Variants in VCL observed in about 807,000 individuals in gnomAD.
VCL encodes the protein epididymis luminal protein 114.
Under a neutral mutation model 125.7 loss-of-function variants are expected in VCL, and 47 were observed. The ratio of observed to expected loss-of-function variants is 0.37; its 90% CI spans 0.30 to 0.48. The LOEUF (loss-of-function observed/expected upper bound fraction) is 0.48, where lower values mean the gene tolerates loss of function less well. VCL is among the 20% of genes least tolerant of loss of function. The pLI is 0.99. For missense variants in VCL, 1,069 were observed against 1,455.5 expected, an observed-to-expected ratio of 0.73 and a Z score of 4.32; for synonymous variants, 458 against 514.6, an observed-to-expected ratio of 0.89 and a Z score of 1.49.
intron 17 of VCL, among the ~76,000 whole-genome samples, chr10:74,108,178 T>C (rs967517937): frequency 4.6e-5 from 7 of 152,212 alleles, no homozygotes; most frequent in Non-Finnish European, 1.0e-4. Context: ...AGCTGGGTGC[T>C]TGGTGGGTGT....
At position 74,109,033 on chromosome 10, in the gene VCL, G is replaced by A; in HGVS notation, c.2622G>A (p.Arg874=). ...PLPEGEVPPP[R]PPPPEEKDEE... ...CTGAAGGTGAGGTCCCTCCACCTAG[G>A]CCTCCACCACCAGAGGAAAAGGATG... The change falls in exon 18 of 22, where the codon AGG becomes AGA. Residue 874 remains arginine (R), a synonymous_variant. Coordinates refer to ENST00000211998, the MANE Select transcript of VCL (RefSeq NM_014000.3). 1 of 1,614,158 alleles carries A rather than the reference G, an allele frequency of 6.2e-7. No individual in the cohort carries two copies.
chr10:74,075,164 G>T, intron 6 of VCL: 1 of 467,344 alleles, frequency 2.1e-6, no homozygotes, highest in Non-Finnish European at 3.9e-6. Context: ...TTTTCCATCA[G>T]GCTGGAGTCT....
rs774358336 is a variant in VCL at position 74,056,172 on chromosome 10, T to TTG, written c.239+13032_239+13033dup. Among the ~76,000 whole-genome samples the TTG allele has an allele frequency of 2.3e-4, 34 of 150,730 alleles. 1 individual carries two copies. The East Asian group carries it at 3.1e-3, about 14-fold the overall frequency. On this transcript the variant is annotated intron_variant, in intron 2 of 21. Transcript: ENST00000211998. ...AGAGAATTTAGTGAGCCTGTGGGTT[T>TTG]TGTGTGTGTGTGTGCTCATGATGGG...
At chr10:74,115,636 G>A (rs1192387172) in intron 21 of VCL, among the ~76,000 whole-genome samples, 1 of 152,120 alleles carries the variant, frequency 6.6e-6, no homozygotes, top group East Asian at 1.9e-4. Flanking sequence ...TGGAGAGAAG[G>A]TCCGCTTTCC....
At chr10:74,104,440 C>T (rs749994051) in intron 15 of VCL, among the ~76,000 whole-genome samples, 5 of 152,076 alleles carry the variant, frequency 3.3e-5, no homozygotes, top group Non-Finnish European at 7.4e-5. Context: ...AGTGGCACCT[C>T]TGAATCGTCT....
chr10:74,091,527 C>T (rs555567000), intron 10 of VCL, among the ~76,000 whole-genome samples: 4 of 152,094 alleles, frequency 2.6e-5, no homozygotes, highest in African/African-American at 9.6e-5. Context: ...GGCCTGTAAT[C>T]CCAACACTTG....
At chr10:74,072,952 T>C (rs1839511937) in intron 5 of VCL, 100 bp downstream of exon 5, 1 of 1,558,594 alleles carries the variant, frequency 6.4e-7, no homozygotes, top group Non-Finnish European at 8.7e-7. Context: ...TTTCTTTTTT[T>C]TTTTTTTGAG....
chr10:74,093,282 G>GAA (rs1839917691), intron 10 of VCL, among the ~76,000 whole-genome samples: 1 of 152,158 alleles, frequency 6.6e-6, no homozygotes, highest in African/African-American at 2.4e-5. Flanking sequence ...GGGCAACACA[G>GAA]CGAGACTCCA....
chr10:74,112,730 G>A (rs1444881178), intron 19 of VCL, among the ~76,000 whole-genome samples: 1 of 152,154 alleles, frequency 6.6e-6, no homozygotes, highest in South Asian at 2.1e-4. Flanking sequence ...AAGACAGGCC[G>A]CCATAGAACT....
chr10:74,036,228 G>GT (rs1375232179), intron 1 of VCL, among the ~76,000 whole-genome samples: 1 of 152,052 alleles, frequency 6.6e-6, no homozygotes, highest in Non-Finnish European at 1.5e-5. Context: ...TTTAGACGGA[G>GT]TTTTGCTTTT....
chr10:74,060,622 CTCCAGCCTGGGCAA>C (rs1358552884), intron 2 of VCL, among the ~76,000 whole-genome samples: 1 of 141,880 alleles, frequency 7.0e-6, no homozygotes, highest in African/African-American at 2.7e-5. Context: ...CGCCACTGCA[CTCCAGCCTGGGCAA>C]CAGAATGAGA....
In VCL at chr10:73,998,325, C is replaced by G. The variant is rs1840154450; in HGVS notation, c.118C>G (p.Leu40Val). 6.4e-7 allele frequency: 1 copy of G among 1,570,380 alleles called. No individual in the cohort carries two copies. The highest frequency in any genetic ancestry group is 8.6e-7 in the Non-Finnish European group (1 of 1,157,500). Residue 40 changes from leucine (L) to valine (V), a missense_variant, in exon 1 of 22, where the codon CTC (leucine) becomes GTC (valine). Transcript: ENST00000211998. ...GGTGGACGGCAAAGCCATTCCTGACCTCACCGCGCCCGTGGCCGCCGTGCA... is the reference window on the plus strand; with the variant it reads ...GGTGGACGGCAAAGCCATTCCTGACGTCACCGCGCCCGTGGCCGCCGTGCA... Reference protein sequence around the residue: ...GEVDGKAIPDLTAPVAAVQAA... With the variant: ...GEVDGKAIPDVTAPVAAVQAA...
rs750897774 is a variant in VCL at position 74,112,037 on chromosome 10, C to T, written c.2874C>T (p.Ser958=). The change falls in exon 19 of 22, where the codon TCC becomes TCT. Residue 958 remains serine, a synonymous_variant. Transcript: ENST00000211998. The part of the protein sequence containing the change: ...DYEPELLLMP[S]NQPVNQPILA... ...AACCTGAGCTGCTGTTAATGCCATC[C>T]AATCAGCCGGTCAACCAGCCCATTC... The T allele has an allele frequency of 6.2e-7, 1 of 1,614,210 alleles. No homozygotes were observed. Among genetic ancestry groups the T allele is most frequent in the East Asian group, 2.2e-5 (1 of 44,882 alleles).
At chr10:74,055,996 A>G (rs952333698) in intron 2 of VCL, among the ~76,000 whole-genome samples, 3 of 152,214 alleles carry the variant, frequency 2.0e-5, no homozygotes, top group Non-Finnish European at 2.9e-5. Context: ...CTTGAGGAAC[A>G]TATAGCTTGG....
chr10:74,106,924 A>G (rs1840144757), intron 16 of VCL, among the ~76,000 whole-genome samples: 1 of 152,154 alleles, frequency 6.6e-6, no homozygotes, highest in African/African-American at 2.4e-5. Flanking sequence ...TCATCATAAG[A>G]GAGGTGATGG....
chr10:74,087,652 G>A (rs1283773505), intron 8 of VCL, among the ~76,000 whole-genome samples: 1 of 148,884 alleles, frequency 6.7e-6, no homozygotes, highest in Non-Finnish European at 1.5e-5. Flanking sequence ...GAGCCACCGC[G>A]CCTGGCCGAA....
At chr10:74,074,025 C>T (rs932080765) in intron 5 of VCL, among the ~76,000 whole-genome samples, 13 of 152,014 alleles carry the variant, frequency 8.6e-5, no homozygotes, top group Non-Finnish European at 1.8e-4. Context: ...GTCAGGAGTT[C>T]GAGACCAGCC....
At chr10:74,052,708 T>C (rs1028985677) in intron 2 of VCL, among the ~76,000 whole-genome samples, 3 of 151,994 alleles carry the variant, frequency 2.0e-5, no homozygotes, top group African/African-American at 7.2e-5. Context: ...TTCTCAGAGA[T>C]ATTTTTTATC....
intron 5 of VCL, 79 bp downstream of exon 5, chr10:74,072,931 TTTTGTTTTCTTTTC>T (rs1839510540): frequency 6.3e-7 from 1 of 1,586,168 alleles, no homozygotes; most frequent in African/African-American, 1.4e-5. Context: ...TTTTGTTTTC[TTTTGTTTTCTTTTC>T]TTTTTTTTTT....
Sources: gnomAD v4.1 joint callset for allele counts (sites outside exome capture counted in the v4.1 genomes callset) on GRCh38, gnomAD v4.1.1 for gene constraint, MANE v1.5 for transcripts, NCBI Gene and HGNC (gene_info 2026-07-23, HGNC 2026-07-21) for gene names.